Variants in SYNJ1 observed in about 807,000 individuals in gnomAD.
SYNJ1 encodes the protein polyphosphatidylinositol phosphatase SYNJ1.
In SYNJ1, 78 loss-of-function variants were observed where a neutral mutation model predicts 168.2. The observed-to-expected ratio is 0.46, with a 90% CI of 0.39 to 0.56. The LOEUF is 0.56. Ranked by LOEUF, SYNJ1 falls within the 20% of genes least tolerant of loss-of-function variation. The pLI, the probability that SYNJ1 is intolerant of heterozygous loss-of-function variation, is 0.00. For missense variants in SYNJ1, 1,303 were observed against 1,597.6 expected, an observed-to-expected ratio of 0.82 and a Z score of 3.14; for synonymous variants, 539 against 548.6, an observed-to-expected ratio of 0.98 and a Z score of 0.24.
intron 21 of SYNJ1, chr21:32,653,983 C>G (rs878886622): frequency 6.7e-6 from 1 of 149,782 alleles, no homozygotes; most frequent in African/African-American, 2.5e-5. Context: ...AAAAAACTAT[C>G]AAGAGGAAAA....
At chr21:32,666,351 A>G in intron 16 of SYNJ1, 82 bp downstream of exon 16, 1 of 1,538,032 alleles carries the variant, frequency 6.5e-7, no homozygotes. Context: ...TGTTTGAAGA[A>G]CTGAAACAAT....
chr21:32,671,634 G>A (rs1033916684), intron 14 of SYNJ1, among the ~76,000 whole-genome samples: 14 of 152,076 alleles, frequency 9.2e-5, no homozygotes, highest in African/African-American at 2.9e-4. Flanking sequence ...TTGGAATAAT[G>A]GTGTCTATGA....
intron 12 of SYNJ1, among the ~76,000 whole-genome samples, chr21:32,677,820 T>A (rs1481837680): frequency 3.9e-5 from 6 of 152,192 alleles, no homozygotes; most frequent in Admixed American, 2.0e-4. Context: ...CATTACTTGA[T>A]GCAGAAACAA....
At chr21:32,644,236 G>A (rs924830783) in intron 26 of SYNJ1, among the ~76,000 whole-genome samples, 2 of 152,174 alleles carry the variant, frequency 1.3e-5, no homozygotes, top group Non-Finnish European at 2.9e-5. Flanking sequence ...TCACTTAGCT[G>A]TATTCGGCAG....
chr21:32,708,716 T>A (rs754859505), intron 2 of SYNJ1, among the ~76,000 whole-genome samples: 1 of 152,152 alleles, frequency 6.6e-6, no homozygotes, highest in African/African-American at 2.4e-5. Context: ...ATTTTTCCCA[T>A]GTCATACTCA....
At chr21:32,637,978 A>G (rs1407289040) in intron 31 of SYNJ1, among the ~76,000 whole-genome samples, 1 of 152,234 alleles carries the variant, frequency 6.6e-6, no homozygotes, top group African/African-American at 2.4e-5. Context: ...AATGTAAACT[A>G]TTACTTATAA....
At position 32,706,767 on chromosome 21, in the gene SYNJ1, T is replaced by C. The variant is rs1381929466; in HGVS notation, c.125-4720A>G. Among the ~76,000 whole-genome samples the C allele has an allele frequency of 4.6e-5, 7 of 152,202 alleles. No individual in the cohort carries two copies. The East Asian group carries it at 1.4e-3, about 29-fold the overall frequency. ...CTTATTTTATGAGACTCCATAAACTTCACAAAAATACATGATGGAAGGGGG... is the reference window on the plus strand; with the variant it reads ...CTTATTTTATGAGACTCCATAAACTCCACAAAAATACATGATGGAAGGGGG... On this transcript the variant is annotated intron_variant, in intron 2 of 32. Coordinates refer to ENST00000674351, the MANE Select transcript of SYNJ1 (RefSeq NM_203446.3).
chr21:32,694,813 C>T (rs1023643356), intron 5 of SYNJ1, among the ~76,000 whole-genome samples: 7 of 152,016 alleles, frequency 4.6e-5, no homozygotes, highest in African/African-American at 1.7e-4. Flanking sequence ...AATTCAATAC[C>T]AAAACACACA....
chr21:32,658,049 T>C (rs1312465860), intron 18 of SYNJ1, among the ~76,000 whole-genome samples, 177 bp from the exon 19 acceptor site: 1 of 152,128 alleles, frequency 6.6e-6, no homozygotes, highest in Non-Finnish European at 1.5e-5. Flanking sequence ...ACCTGAGACA[T>C]AGCATTTTTC....
chr21:32,674,293 C>T (rs557823073), intron 13 of SYNJ1, among the ~76,000 whole-genome samples: 230 of 152,342 alleles, frequency 1.5e-3, no homozygotes, highest in African/African-American at 4.9e-3. Flanking sequence ...ACACTCTTCC[C>T]GCACATCCTT....
At chr21:32,690,675 G>A (rs954178133) in intron 6 of SYNJ1, among the ~76,000 whole-genome samples, 4 of 151,446 alleles carry the variant, frequency 2.6e-5, no homozygotes, top group African/African-American at 9.6e-5. Flanking sequence ...TGGATCACCT[G>A]AGGTCAGGAG....
chr21:32,652,022 A>C (rs1037475251), intron 22 of SYNJ1, among the ~76,000 whole-genome samples: 1 of 152,188 alleles, frequency 6.6e-6, no homozygotes, highest in Non-Finnish European at 1.5e-5. Context: ...TTACATATGT[A>C]TATGCTAATA....
chr21:32,655,668 A>G (rs1292496835), intron 21 of SYNJ1, among the ~76,000 whole-genome samples: 1 of 152,162 alleles, frequency 6.6e-6, no homozygotes, highest in Non-Finnish European at 1.5e-5. Context: ...AGCAACTAGT[A>G]TAGAGATCTG....
chr21:32,650,026 A>T (rs1298908728), intron 23 of SYNJ1, among the ~76,000 whole-genome samples, 158 bp downstream of exon 23: 1 of 152,218 alleles, frequency 6.6e-6, no homozygotes, highest in African/African-American at 2.4e-5. Flanking sequence ...CTGTGATTGC[A>T]GGCATGAGCT....
chr21:32,676,780 T>C (rs1896446747), intron 12 of SYNJ1, among the ~76,000 whole-genome samples: 1 of 152,190 alleles, frequency 6.6e-6, no homozygotes, highest in South Asian at 2.1e-4. Context: ...AGTTGATAAG[T>C]ATAATCACTT....
chr21:32,639,668 T>C lies in SYNJ1; in HGVS notation c.3697+3A>G, dbSNP rs1903070702. 1.2e-6 allele frequency: 2 copies of C among 1,613,314 alleles called. No individual in the cohort carries two copies. Among genetic ancestry groups the C allele is most frequent in the Non-Finnish European group, 8.5e-7 (1 of 1,179,728 alleles). The stretch of plus-strand genomic sequence containing the variant: ...CTGCCTCAGCCTCCCAAAGAGGACC[T>C]ACCTTTCGACGTTTCTGATGTTTTG... On this transcript the variant is annotated splice_donor_region_variant and intron_variant, in intron 30 of 32. Transcript: ENST00000674351.
intron 29 of SYNJ1, among the ~76,000 whole-genome samples, chr21:32,641,160 A>T (rs1024953798): frequency 6.6e-6 from 1 of 152,194 alleles, no homozygotes; most frequent in African/African-American, 2.4e-5. Context: ...AATAATCTTA[A>T]TTTCTAGGTA....
In SYNJ1 at chr21:32,670,200, C is replaced by T. The variant is rs2041134132; in HGVS notation, c.1811+88G>A. ...GCACCCTTCCATTTATTATTTCAAA[C>T]TATCCTTGTAACAATTACTTAATTA... On this transcript the variant is annotated intron_variant, in intron 15 of 32. Coordinates refer to ENST00000674351, the MANE Select transcript of SYNJ1 (RefSeq NM_203446.3). The T allele has an allele frequency of 2.8e-6, 3 of 1,075,694 alleles. No homozygotes were observed. The East Asian group carries it at 7.4e-5, about 27-fold the overall frequency. The allele number at this position is 1,075,694 out of a possible 1,614,324, so 66.6% of individuals were successfully genotyped here.
At chr21:32,649,818 C>T (rs1410033716) in intron 23 of SYNJ1, among the ~76,000 whole-genome samples, 6 of 152,324 alleles carry the variant, frequency 3.9e-5, no homozygotes, top group Admixed American at 2.0e-4. Flanking sequence ...GGCACAATCT[C>T]GGCTCACTGC....
Sources: allele counts gnomAD v4.1 joint callset (sites outside exome capture counted in the v4.1 genomes callset), GRCh38; gene constraint gnomAD v4.1.1; transcripts MANE v1.5; gene names NCBI Gene and HGNC (gene_info 2026-07-23, HGNC 2026-07-21).